The following ENTREP2 variants were observed in gnomAD, a reference collection of about 807,000 sequenced individuals.
The protein encoded by ENTREP2 is protein ENTREP2.
chr15:29,381,768 C>T, the ENTREP2 span: 3 of 1,550,990 alleles, frequency 1.9e-6, no homozygotes. Context: ...ACGCAGGTGC[C>T]ACTTACCACA....
the ENTREP2 span, among the ~76,000 whole-genome samples, chr15:29,141,604 C>T: frequency 1.3e-5 from 2 of 152,214 alleles, no homozygotes; most frequent in Non-Finnish European, 2.9e-5. Flanking sequence ...GCCCAGCACC[C>T]ACTCTCCCTG....
At chr15:29,266,892 G>C in the ENTREP2 span, 4 of 152,294 alleles carry the variant, frequency 2.6e-5, no homozygotes, top group East Asian at 7.7e-4. Flanking sequence ...AGAAAAGCGG[G>C]GGGAATTTTG....
At chr15:29,668,943 T>C in the ENTREP2 span, among the ~76,000 whole-genome samples, 1 of 152,350 alleles carries the variant, frequency 6.6e-6, no homozygotes, top group Non-Finnish European at 1.5e-5. Context: ...TGGTGTGTTC[T>C]TCAAGCCCTT....
the ENTREP2 span, among the ~76,000 whole-genome samples, chr15:29,659,890 CCAGGTT>C: frequency 2.6e-5 from 4 of 152,064 alleles, no homozygotes; most frequent in Admixed American, 2.6e-4. Context: ...CCTCCGCCTC[CCAGGTT>C]CAAGCAATTC....
chr15:29,625,127 A>T, the ENTREP2 span, among the ~76,000 whole-genome samples: 1 of 152,232 alleles, frequency 6.6e-6, no homozygotes, highest in African/African-American at 2.4e-5. Flanking sequence ...ATATTTTTTA[A>T]AAAAACCATT....
the ENTREP2 span, among the ~76,000 whole-genome samples, chr15:29,522,549 A>C: frequency 6.6e-6 from 1 of 152,316 alleles, no homozygotes; most frequent in East Asian, 1.9e-4. Context: ...CCTCAAGAAA[A>C]ATGTCTGAAT....
At chr15:29,127,404 G>A in the ENTREP2 span, among the ~76,000 whole-genome samples, 1 of 152,156 alleles carries the variant, frequency 6.6e-6, no homozygotes, top group East Asian at 1.9e-4. Context: ...GGGGCTTTGG[G>A]TCTGTTCCTG....
At chr15:29,405,036 C>T in the ENTREP2 span, among the ~76,000 whole-genome samples, 6 of 152,202 alleles carry the variant, frequency 3.9e-5, no homozygotes, top group Non-Finnish European at 8.8e-5. Context: ...CAAAGCCCTC[C>T]CTGCCTGGAC....
At chr15:29,598,976 A>G in the ENTREP2 span, among the ~76,000 whole-genome samples, 523 of 152,296 alleles carry the variant, frequency 3.4e-3, 3 homozygotes, top group African/African-American at 0.012. Flanking sequence ...GATTACAGGC[A>G]TGAGCCACGG....
chr15:29,438,268 C>T, the ENTREP2 span, among the ~76,000 whole-genome samples: 1 of 152,176 alleles, frequency 6.6e-6, no homozygotes, highest in Non-Finnish European at 1.5e-5. Context: ...CACAAATGAC[C>T]GCTTTACAAA....
the ENTREP2 span, among the ~76,000 whole-genome samples, chr15:29,428,875 C>G: frequency 2.6e-5 from 4 of 152,172 alleles, no homozygotes; most frequent in African/African-American, 9.7e-5. Context: ...TCACGGATCA[C>G]CAGTGTCACA....
the ENTREP2 span, among the ~76,000 whole-genome samples, chr15:29,623,531 GGC>G: frequency 1.3e-5 from 2 of 152,170 alleles, no homozygotes; most frequent in Admixed American, 1.3e-4. Flanking sequence ...TGGGTTTAGA[GGC>G]TGAAGACTTT....
At chr15:29,173,892 T>C in the ENTREP2 span, among the ~76,000 whole-genome samples, 4 of 149,818 alleles carry the variant, frequency 2.7e-5, no homozygotes, top group Admixed American at 1.3e-4. Context: ...TTAGCAATTA[T>C]ATAAGCAATT....
chr15:29,129,860 C>CCCCATGCT, the ENTREP2 span, among the ~76,000 whole-genome samples: 1 of 152,160 alleles, frequency 6.6e-6, no homozygotes, highest in African/African-American at 2.4e-5. Flanking sequence ...CCCCCATGCA[C>CCCCATGCT]CCCATGCTAC....
chr15:29,162,882 G>A, the ENTREP2 span, among the ~76,000 whole-genome samples: 6 of 152,056 alleles, frequency 3.9e-5, no homozygotes, highest in African/African-American at 1.2e-4. Flanking sequence ...AACCACCAAA[G>A]CTAAGAGCCC....
chr15:29,607,304 C>CTTTTT, the ENTREP2 span, among the ~76,000 whole-genome samples: 1 of 131,784 alleles, frequency 7.6e-6, no homozygotes, highest in Non-Finnish European at 1.6e-5. Flanking sequence ...CTCTTCATTT[C>CTTTTT]TTTTTTTTTT....
the ENTREP2 span, among the ~76,000 whole-genome samples, chr15:29,489,714 T>G: frequency 2.0e-5 from 3 of 152,174 alleles, no homozygotes; most frequent in South Asian, 2.1e-4. Flanking sequence ...TGCAGCTCTA[T>G]GAAGGAGAAC....
At chr15:29,231,308 C>G in the ENTREP2 span, among the ~76,000 whole-genome samples, 26 of 152,306 alleles carry the variant, frequency 1.7e-4, no homozygotes, top group African/African-American at 5.1e-4. Context: ...GCATATCATA[C>G]TTGACATAGT....
At chr15:29,300,019 G>A in the ENTREP2 span, among the ~76,000 whole-genome samples, 1 of 151,406 alleles carries the variant, frequency 6.6e-6, no homozygotes, top group African/African-American at 2.4e-5. Flanking sequence ...ATGTGTGGAT[G>A]GATGTATGGG....
Sources: allele counts gnomAD v4.1 joint callset (sites outside exome capture counted in the v4.1 genomes callset), GRCh38; gene constraint gnomAD v4.1.1; transcripts MANE v1.5; gene names NCBI Gene and HGNC (gene_info 2026-07-23, HGNC 2026-07-21).